The following AGBL5 variants were observed in gnomAD, a reference collection of about 807,000 sequenced individuals.
AGBL5 encodes AGBL carboxypeptidase 5.
Under a neutral mutation model 88.0 loss-of-function variants are expected in AGBL5, and 51 were observed. The ratio of observed to expected loss-of-function variants is 0.58; its 90% confidence interval spans 0.46 to 0.73. The LOEUF is 0.73. Ranked by LOEUF, AGBL5 falls within the 30% of genes least tolerant of loss-of-function variation. The pLI, the probability that AGBL5 is intolerant of heterozygous loss-of-function variation, is 0.00. For missense variants in AGBL5, 1,031 were observed against 1,162.2 expected, an observed-to-expected ratio of 0.89 and a Z score of 1.64; for synonymous variants, 446 against 438.8, an observed-to-expected ratio of 1.02 and a Z score of -0.21.
At chr2:27,067,438 G>A in intron 11 of AGBL5, 56 bp from the exon 12 acceptor site, 1 of 1,574,424 alleles carries the variant, frequency 6.4e-7, no homozygotes, top group Non-Finnish European at 8.7e-7. Flanking sequence ...AGTGAAGGCT[G>A]CCTCATAGTG....
chr2:27,052,755 C>T (rs1196956552), intron 1 of AGBL5, among the ~76,000 whole-genome samples, 158 bp from the exon 2 acceptor site: 1 of 152,208 alleles, frequency 6.6e-6, no homozygotes, highest in Non-Finnish European at 1.5e-5. Context: ...TTCTCTTGGC[C>T]TTTGCTGGAA....
In AGBL5 at chr2:27,053,850, C is replaced by G. The variant is rs1331378676; in HGVS notation, c.388-46C>G. On this transcript the variant is annotated intron_variant, in intron 3 of 14. Coordinates refer to ENST00000360131, the MANE Select transcript of AGBL5 (RefSeq NM_021831.6). The surrounding 1 kb of genome is among the most constrained non-coding windows in gnomAD (Gnocchi z 4.9). ...TGGTGGTCCCAGTAGGAGCTCAGTT[C>G]TGACAATGGCATGTTGCCCCTCCCT... The G allele has an allele frequency of 6.3e-7, 1 of 1,578,460 alleles. No homozygotes were observed. The highest frequency in any genetic ancestry group is 8.6e-7 in the Non-Finnish European group (1 of 1,158,604).
In AGBL5 at chr2:27,070,158, A is replaced by C. The variant is rs200219581; in HGVS notation, c.2556A>C (p.Leu852=). ...CCTTTTCTCCTATATCCTGTAGTCT[A>C]TCTGACTCCCCATCCTGGAATTGTT... ...APAFSPISCS[L]SDSPSWNCYS... The change falls in exon 15 of 15, where the codon CTA becomes CTC. Residue 852 remains leucine, a synonymous_variant. Transcript: ENST00000360131. 9.3e-6 allele frequency: 15 copies of C among 1,614,108 alleles called. No individual in the cohort carries two copies. Among genetic ancestry groups the C allele is most frequent in the Non-Finnish European group, 1.2e-5 (14 of 1,179,996 alleles).
At chr2:27,069,945 G>A (rs1384238602) in intron 14 of AGBL5, 147 bp from the exon 15 acceptor site, 15 of 1,488,668 alleles carry the variant, frequency 1.0e-5, no homozygotes, top group Non-Finnish European at 1.3e-5. Context: ...GCTGGTTCCA[G>A]CGTCAAACCA....
intron 7 of AGBL5, 43 bp downstream of exon 7, chr2:27,056,181 AGG>A (rs1558415602): frequency 1.3e-6 from 2 of 1,580,240 alleles, no homozygotes. Context: ...GAAGTGTTAC[AGG>A]TTAGGAGATG....
chr2:27,059,411 C>T lies in AGBL5; in HGVS notation c.2089+7C>T, dbSNP rs1480468984. ...GTGCTGGGCCCCGTCAGAGGTAAGC[C>T]AGTCTGGGAGCCCCTGCAACATGTG... is the stretch of plus-strand genomic sequence containing the variant. On this transcript the variant is annotated splice_region_variant and intron_variant, in intron 11 of 14. Transcript: ENST00000360131. The T allele has an allele frequency of 6.2e-7, 1 of 1,613,960 alleles. No homozygotes were observed. Among genetic ancestry groups the T allele is most frequent in the Admixed American group, 1.7e-5 (1 of 59,998 alleles).
chr2:27,052,724 G>A (rs1477182475), intron 1 of AGBL5, among the ~76,000 whole-genome samples, 189 bp from the exon 2 acceptor site: 1 of 152,226 alleles, frequency 6.6e-6, no homozygotes, highest in Non-Finnish European at 1.5e-5. Flanking sequence ...AACCCTTAGT[G>A]TTGGGGTACA....
rs577692041 is a variant in AGBL5 at position 27,066,512 on chromosome 2, G to A, written c.2090-982G>A. On this transcript the variant is annotated intron_variant, in intron 11 of 14. Coordinates refer to ENST00000360131, the MANE Select transcript of AGBL5 (RefSeq NM_021831.6). ...ATTTGGGAGTTTAAGAGTAAGTAGAGCAGGAGAGGCCCAAGGACAGAATGG... is the reference window on the plus strand; with the variant it reads ...ATTTGGGAGTTTAAGAGTAAGTAGAACAGGAGAGGCCCAAGGACAGAATGG... Among the ~76,000 whole-genome samples the A allele has an allele frequency of 1.0e-3, 154 of 152,318 alleles. 1 individual carries two copies. Among genetic ancestry groups the A allele is most frequent in the Middle Eastern group, 6.8e-3 (2 of 294 alleles).
At chr2:27,055,415 T>C (rs1668378141) in intron 6 of AGBL5, 162 bp downstream of exon 6, 2 of 1,061,298 alleles carry the variant, frequency 1.9e-6, no homozygotes, top group Non-Finnish European at 2.7e-6. Context: ...AGATCATATC[T>C]AGTGGCACTC....
chr2:27,052,978 G>T lies in AGBL5; in HGVS notation c.20G>T (p.Gly7Val), dbSNP rs1668244033. ...CCCACCATGGAGCTGCGCTGTGGGG[G>T]ATTGCTGTTCAGTTCTCGCTTTGAT... Reference protein sequence around the residue: MELRCGGLLFSSRFDSG... With the variant: MELRCGVLLFSSRFDSG... The change falls in exon 2 of 15, where the codon GGA becomes GTA. Residue 7 changes from glycine to valine, a missense_variant. Coordinates refer to ENST00000360131, the MANE Select transcript of AGBL5 (RefSeq NM_021831.6). 1.9e-6 allele frequency: 3 copies of T among 1,609,354 alleles called. No individual in the cohort carries two copies. Among genetic ancestry groups the T allele is most frequent in the Non-Finnish European group, 2.5e-6 (3 of 1,176,998 alleles).
intron 11 of AGBL5, among the ~76,000 whole-genome samples, chr2:27,060,557 C>T (rs998318910): frequency 3.9e-5 from 6 of 152,226 alleles, no homozygotes; most frequent in Admixed American, 3.3e-4. Context: ...GCTGGTCTTC[C>T]AGCATACTCA....
Position 27,053,509 on chromosome 2 carries a change from C to G in AGBL5, c.323C>G (p.Pro108Arg), listed in dbSNP as rs1271339736. Residue 108 changes from proline to arginine, a missense_variant, in exon 3 of 15, where the codon CCC becomes CGC. By Grantham distance (103) the Pro-to-Arg change is moderately radical (BLOSUM62 -2). Coordinates refer to ENST00000360131, the MANE Select transcript of AGBL5 (RefSeq NM_021831.6). The surrounding 1 kb of genome is among the most constrained non-coding windows in gnomAD (Gnocchi z 4.9). ...AAGCTGTATTCCCAGGGCATGGCCC[C>G]CTTTGTGCGCACACTGCCCACCCGG... The part of the protein sequence containing the change: ...QSKLYSQGMA[P>R]FVRTLPTRPR... The G allele has an allele frequency of 1.2e-6, 2 of 1,614,144 alleles. No individual in the cohort carries two copies. Among genetic ancestry groups the G allele is most frequent in the Non-Finnish European group, 1.7e-6 (2 of 1,180,038 alleles).
Position 27,053,660 on chromosome 2 carries a change from T to C in AGBL5, c.387+87T>C. ...CGTTTTTTTTTCCTTGATACAAGTA[T>C]GAAGCAGGTGGGACAACAGGTTTAA... On this transcript the variant is annotated intron_variant, in intron 3 of 14. Coordinates refer to ENST00000360131, the MANE Select transcript of AGBL5 (RefSeq NM_021831.6). This position sits in a 1 kb window ranked among gnomAD's most constrained non-coding sequence, Gnocchi z 4.9. 6.7e-7 allele frequency: 1 copy of C among 1,500,184 alleles called. No homozygotes were observed. Among genetic ancestry groups the C allele is most frequent in the South Asian group, 1.3e-5 (1 of 74,996 alleles). The allele number at this position is 1,500,184 out of a possible 1,614,324, so 92.9% of individuals were successfully genotyped here. A position where few individuals can be genotyped will look rare whatever the true frequency, so the allele number is the denominator to read the frequency against.
At position 27,053,672 on chromosome 2, in the gene AGBL5, G is replaced by C. The variant is rs1034342156; in HGVS notation, c.387+99G>C. ...CTTGATACAAGTATGAAGCAGGTGG[G>C]ACAACAGGTTTAAGTATCAGCTTTT... On this transcript the variant is annotated intron_variant, in intron 3 of 14. Coordinates refer to ENST00000360131, the MANE Select transcript of AGBL5 (RefSeq NM_021831.6). This position sits in a 1 kb window ranked among gnomAD's most constrained non-coding sequence, Gnocchi z 4.9. 6 of 1,469,870 alleles carry C rather than the reference G, an allele frequency of 4.1e-6. No individual in the cohort carries two copies. Among genetic ancestry groups the C allele is most frequent in the Non-Finnish European group, 5.4e-6 (6 of 1,102,398 alleles). The allele number at this position is 1,469,870 out of a possible 1,614,324, so 91.1% of individuals were successfully genotyped here.
At chr2:27,062,634 TGA>T (rs1380020825) in intron 11 of AGBL5, 1 of 152,204 alleles carries the variant, frequency 6.6e-6, no homozygotes, top group Non-Finnish European at 1.5e-5. Flanking sequence ...AAATACAACA[TGA>T]GAGCGCACAA....
Position 27,055,795 on chromosome 2 carries a change from G to C in AGBL5, c.1022G>C (p.Arg341Pro). The C allele has an allele frequency of 1.2e-6, 2 of 1,614,100 alleles. No homozygotes were observed. The highest frequency in any genetic ancestry group is 1.1e-5 in the South Asian group (1 of 91,082). ...CTTCTCTACCACCATGTGCACTCTC[G>C]TCTGAACTCCCAGAGTTCCTCTGAG... ...AVLLYHHVHS[R>P]LNSQSSSEHQ... Residue 341 changes from arginine (R) to proline (P), a missense_variant, in exon 7 of 15, where the codon CGT becomes CCT. By Grantham distance (103) the Arg-to-Pro change is moderately radical. Around this residue, in one of 2 missense-constraint regions of AGBL5, gnomAD observed 540 missense variants for 678.2 expected, o/e 0.80. Coordinates refer to ENST00000360131, the MANE Select transcript of AGBL5 (RefSeq NM_021831.6).
intron 12 of AGBL5, 46 bp from the exon 13 acceptor site, chr2:27,068,586 C>A: frequency 6.4e-7 from 1 of 1,559,364 alleles, no homozygotes; most frequent in Non-Finnish European, 8.8e-7. Flanking sequence ...AAGTTACCTC[C>A]TCTTCTCTGT....
chr2:27,051,184 A>G (rs1668099007), upstream of AGBL5, among the ~76,000 whole-genome samples: 1 of 152,216 alleles, frequency 6.6e-6, no homozygotes, highest in Non-Finnish European at 1.5e-5. Flanking sequence ...GTGAACCTGT[A>G]AGGCAAAGGG....
intron 11 of AGBL5, among the ~76,000 whole-genome samples, chr2:27,064,647 ATAGAG>A (rs1227855487): frequency 2.7e-5 from 4 of 150,330 alleles, no homozygotes; most frequent in Admixed American, 1.3e-4. Context: ...TCTCCTCATA[ATAGAG>A]TAGCTTCCAT....
Sources: allele counts gnomAD v4.1 joint callset (sites outside exome capture counted in the v4.1 genomes callset), GRCh38; gene constraint gnomAD v4.1.1; regional missense constraint gnomAD v4.1.1; non-coding constraint Gnocchi (gnomAD v3.1); transcripts MANE v1.5; gene names NCBI Gene and HGNC (gene_info 2026-07-23, HGNC 2026-07-21).